Variants in TYRO3 observed in about 807,000 individuals in gnomAD.
TYRO3 encodes tyrosine-protein kinase receptor TYRO3.
In TYRO3, 38 loss-of-function variants were observed where a neutral mutation model predicts 95.2. The ratio of observed to expected loss-of-function variants is 0.40; its 90% CI spans 0.31 to 0.52. TYRO3 has a LOEUF of 0.52. TYRO3 is among the 20% of genes least tolerant of loss of function. The pLI, the probability that TYRO3 is intolerant of heterozygous loss-of-function variation, is 0.56. For synonymous variants in TYRO3, 367 were observed against 432.9 expected (o/e 0.85, Z 1.89); for missense variants, 812 against 1,116.4 (o/e 0.73, Z 3.89).
intron 18 of TYRO3, among the ~76,000 whole-genome samples, chr15:41,576,075 G>A (rs1200737422): frequency 1.6e-5 from 2 of 123,640 alleles, no homozygotes; most frequent in Non-Finnish European, 3.2e-5. Context: ...TTGCACTCCA[G>A]CCTGGGCAAC....
chr15:41,576,348 C>CATTTA (rs1444280681), intron 18 of TYRO3, among the ~76,000 whole-genome samples: 1 of 151,344 alleles, frequency 6.6e-6, no homozygotes, highest in Admixed American at 6.6e-5. Flanking sequence ...CATGCACCAC[C>CATTTA]CTGCCCAGCT....
chr15:41,567,459 A>G lies in TYRO3; in HGVS notation c.883A>G (p.Ser295Gly). 1 of 1,609,232 alleles carries G rather than the reference A, an allele frequency of 6.2e-7. No homozygotes were observed. Among genetic ancestry groups the G allele is most frequent in the Non-Finnish European group, 8.5e-7 (1 of 1,178,210 alleles). The change falls in exon 7 of 19, where the codon AGC (serine) becomes GGC (glycine). Residue 295 changes from serine (S) to glycine (G), a missense_variant. By Grantham distance (56) the Ser-to-Gly change is moderately conservative. Transcript: ENST00000263798. ...LRDLVPATNY[S>G]LRVRCANALG... ...GGACCTGGTGCCTGCCACCAACTAC[A>G]GCCTCAGGGTGCGCTGTGCCAATGC...
At chr15:41,569,920 T>C (rs1192914578) in intron 9 of TYRO3, 107 bp from the exon 10 acceptor site, 8 of 1,406,416 alleles carry the variant, frequency 5.7e-6, no homozygotes, top group Middle Eastern at 2.6e-4. Context: ...AGGACCCTTA[T>C]TGACCTAGAG....
At chr15:41,568,415 G>T (rs2055752375) in intron 8 of TYRO3, 53 bp downstream of exon 8, 1 of 1,530,650 alleles carries the variant, frequency 6.5e-7, no homozygotes, top group South Asian at 1.2e-5. Flanking sequence ...AGCCTTCAGG[G>T]TTCTAAGGCC....
chr15:41,579,377 G>C lies in TYRO3; in HGVS notation c.*1101G>C, dbSNP rs1237937492. ...TTTTTTTTTCTTTTTTTTTGAGACA[G>C]TCTCACTGTGTTGCCCAGGCTGGAG... On this transcript the variant is annotated 3_prime_UTR_variant, in exon 19 of 19. Coordinates refer to ENST00000263798, the MANE Select transcript of TYRO3 (RefSeq NM_006293.4). 1 of 149,930 alleles carries C rather than the reference G, an allele frequency of 6.7e-6. No homozygotes were observed. The highest frequency in any genetic ancestry group is 1.5e-5 in the Non-Finnish European group (1 of 67,672). The allele number at this position is 149,930 out of a possible 1,614,324, so 9.3% of individuals were successfully genotyped here.
At chr15:41,575,421 G>T (rs1231020488) in intron 18 of TYRO3, among the ~76,000 whole-genome samples, 1 of 152,248 alleles carries the variant, frequency 6.6e-6, no homozygotes, top group Non-Finnish European at 1.5e-5. Context: ...GCTGGAGCTG[G>T]TGCTGTCAAT....
rs377341711 is a variant in TYRO3 at position 41,572,537 on chromosome 15, C to T, written c.1848C>T (p.Leu616=). ...ATGGGGACCTGCATGCCTTCCTGCTCGCCTCCCGGATTGGGGAGAACCCCT... is the reference window on the plus strand; with the variant it reads ...ATGGGGACCTGCATGCCTTCCTGCTTGCCTCCCGGATTGGGGAGAACCCCT... ...MKHGDLHAFL[L]ASRIGENPFN... Residue 616 remains leucine, a synonymous_variant, in exon 15 of 19, where the codon CTC becomes CTT. Coordinates refer to ENST00000263798, the MANE Select transcript of TYRO3 (RefSeq NM_006293.4). 1.2e-5 allele frequency: 19 copies of T among 1,614,218 alleles called. No individual in the cohort carries two copies. The highest frequency in any genetic ancestry group is 2.2e-5 in the East Asian group (1 of 44,880).
intron 18 of TYRO3, among the ~76,000 whole-genome samples, chr15:41,576,052 C>T (rs1195688027): frequency 1.4e-5 from 2 of 139,508 alleles, no homozygotes; most frequent in Non-Finnish European, 3.0e-5. Flanking sequence ...TCTGGTGACC[C>T]GAGATCACAC....
In TYRO3 at chr15:41,565,163, A is replaced by T. The variant is rs750677592; in HGVS notation, c.783+22A>T. The stretch of plus-strand genomic sequence containing the variant: ...TCAGGTAGGCTCTCCGGGCCGGGCC[A>T]TGCTCGTTCTGGCTGCATGGCCAGC... On this transcript the variant is annotated intron_variant, in intron 6 of 18. Coordinates refer to ENST00000263798, the MANE Select transcript of TYRO3 (RefSeq NM_006293.4). 9 of 1,479,368 alleles carry T rather than the reference A, an allele frequency of 6.1e-6. No individual in the cohort carries two copies. In the South Asian group the frequency reaches 1.0e-4, roughly 17 times the overall value. 91.6% of individuals were successfully genotyped at this position (1,479,368 alleles called of 1,614,324 possible).
chr15:41,565,275 A>G (rs2055707566), intron 6 of TYRO3, 134 bp downstream of exon 6: 2 of 628,694 alleles, frequency 3.2e-6, no homozygotes, highest in South Asian at 3.6e-5. Context: ...CTTAGCAGGA[A>G]GAACACAGGC....
chr15:41,564,393 A>G (rs1441042728), intron 5 of TYRO3, 123 bp downstream of exon 5: 1 of 950,800 alleles, frequency 1.1e-6, no homozygotes, highest in Non-Finnish European at 1.6e-6. Flanking sequence ...CTAGGGAGCA[A>G]GGGGTTAATT....
intron 18 of TYRO3, 89 bp from the exon 19 acceptor site, chr15:41,577,797 T>C (rs2055878395): frequency 4.3e-6 from 6 of 1,411,132 alleles, no homozygotes; most frequent in Admixed American, 2.2e-5. Context: ...GGGAATAAAA[T>C]TTTTTAAAAC....
At chr15:41,572,610 A>G in intron 15 of TYRO3, 46 bp downstream of exon 15, 1 of 1,397,376 alleles carries the variant, frequency 7.2e-7, no homozygotes, top group Non-Finnish European at 9.7e-7. Context: ...GGGTGGGAAC[A>G]CAGGGCCTGG....
At position 41,573,340 on chromosome 15, in the gene TYRO3, A is replaced by G; in HGVS notation, c.2018A>G (p.Asp673Gly). Residue 673 changes from aspartate (D) to glycine (G), a missense_variant, in exon 17 of 19, where the codon GAC (aspartate) becomes GGC (glycine). By Grantham distance (94) the Asp-to-Gly change is moderately conservative. Coordinates refer to ENST00000263798, the MANE Select transcript of TYRO3 (RefSeq NM_006293.4). ...LAEDMTVCVA[D>G]FGLSRKIYSG... is the part of the protein sequence containing the mutation. ...GAGGACATGACAGTGTGTGTGGCTG[A>G]CTTCGGACTCTCCCGGAAGATCTAC... 3 of 1,614,216 alleles carry G rather than the reference A, an allele frequency of 1.9e-6. No homozygotes were observed. Among genetic ancestry groups the G allele is most frequent in the South Asian group, 1.1e-5 (1 of 91,088 alleles).
rs1855663329 is a variant in TYRO3 at position 41,568,359 on chromosome 15, C to T, written c.1104C>T (p.Thr368=). 5.6e-6 allele frequency: 9 copies of T among 1,613,356 alleles called. No individual in the cohort carries two copies. The highest frequency in any genetic ancestry group is 1.7e-5 in the Admixed American group (1 of 59,904). Residue 368 remains threonine (T), a synonymous_variant, in exon 8 of 19, where the codon ACC becomes ACT. Coordinates refer to ENST00000263798, the MANE Select transcript of TYRO3 (RefSeq NM_006293.4). ...YKLSWVQDNG[T]QDELTVEGTR... is the part of the protein sequence containing the mutation. ...TGTCCTGGGTTCAAGACAATGGAAC[C>T]CAGGTAAGACAGAACCCTCCCCTCT...
chr15:41,570,467 T>C lies in TYRO3; in HGVS notation c.1483+127T>C, dbSNP rs2055781362. The C allele has an allele frequency of 1.1e-5, 15 of 1,382,818 alleles. No individual in the cohort carries two copies. In the South Asian group the frequency reaches 1.1e-4, roughly 10 times the overall value. 85.7% of individuals were successfully genotyped at this position (1,382,818 alleles called of 1,614,324 possible). A position where few individuals can be genotyped will look rare whatever the true frequency, so the allele number is the denominator to read the frequency against. On this transcript the variant is annotated intron_variant, in intron 11 of 18. Coordinates refer to ENST00000263798, the MANE Select transcript of TYRO3 (RefSeq NM_006293.4). ...TGAGCCCCAGGCACACAAATCTGCC[T>C]GTGTGGAGTTCACCACCCCAGCCGT...
chr15:41,578,748 A>G lies in TYRO3; in HGVS notation c.*472A>G, dbSNP rs552065225. The G allele has an allele frequency of 6.2e-4, 115 of 186,562 alleles. 4 individuals are homozygous for G. The South Asian group carries it at 0.016, about 25-fold the overall frequency. The allele number at this position is 186,562 out of a possible 1,614,324, so 11.6% of individuals were successfully genotyped here. The stretch of plus-strand genomic sequence containing the variant: ...GTGTGCCCCTCCAAGTCACAAAGAG[A>G]TGTCCTTGTAATATTCCCTTTTAGG... On this transcript the variant is annotated 3_prime_UTR_variant, in exon 19 of 19. Coordinates refer to ENST00000263798, the MANE Select transcript of TYRO3 (RefSeq NM_006293.4).
chr15:41,560,523 C>T (rs1017020030), intron 1 of TYRO3, among the ~76,000 whole-genome samples: 1 of 152,048 alleles, frequency 6.6e-6, no homozygotes, highest in African/African-American at 2.4e-5. Flanking sequence ...GCTCAGGGCC[C>T]CAGCCCTCCC....
Position 41,570,633 on chromosome 15 carries a change from A to G in TYRO3, c.1513A>G (p.Lys505Glu). The change falls in exon 12 of 19, where the codon AAG becomes GAG. Residue 505 changes from lysine (K) to glutamate (E), a missense_variant. By Grantham distance (56) the Lys-to-Glu change is moderately conservative. Transcript: ENST00000263798. ...LDSLGISDEL[K>E]EKLEDVLIPE... is the part of the protein sequence containing the mutation. The stretch of plus-strand genomic sequence containing the variant: ...CAGCTTGGGCATCAGCGATGAACTA[A>G]AGGAAAAACTGGAGGATGTGCTCAT... 6.2e-7 allele frequency: 1 copy of G among 1,614,152 alleles called. No individual in the cohort carries two copies. Among genetic ancestry groups the G allele is most frequent in the South Asian group, 1.1e-5 (1 of 91,082 alleles).
Sources: allele counts gnomAD v4.1 joint callset (sites outside exome capture counted in the v4.1 genomes callset), GRCh38; gene constraint gnomAD v4.1.1; transcripts MANE v1.5; gene names NCBI Gene and HGNC (gene_info 2026-07-23, HGNC 2026-07-21).